The following DIAPH3 variants were observed in gnomAD, a reference collection of about 807,000 sequenced individuals.
DIAPH3 encodes protein diaphanous homolog 3.
Under a neutral mutation model 144.3 loss-of-function variants are expected in DIAPH3, and 117 were observed. The ratio of observed to expected loss-of-function variants is 0.81; its 90% CI spans 0.70 to 0.95. The LOEUF (loss-of-function observed/expected upper bound fraction) is 0.95. DIAPH3 is among the 40% of genes least tolerant of loss of function. DIAPH3 has a pLI of 0.00. For synonymous variants in DIAPH3, 519 were observed against 488.9 expected, an observed-to-expected ratio of 1.06 and a Z score of -0.81; for missense variants, 1,421 against 1,412.7, an observed-to-expected ratio of 1.01 and a Z score of -0.09.
At chr13:59,963,676 G>A (rs552956864) in intron 17 of DIAPH3, among the ~76,000 whole-genome samples, 1 of 152,004 alleles carries the variant, frequency 6.6e-6, no homozygotes, top group South Asian at 2.1e-4. Flanking sequence ...TGAATAGCTA[G>A]ATTTACAAAT....
In DIAPH3 at chr13:60,016,058, T is replaced by C; in HGVS notation, c.701+13A>G. The stretch of plus-strand genomic sequence containing the variant: ...ATGATGCTTACTTGAAAATAATTAT[T>C]AGCAATACTTACATTTTTCCACTAA... On this transcript the variant is annotated intron_variant, in intron 6 of 27. Transcript: ENST00000400324. 1 of 1,611,534 alleles carries C rather than the reference T, an allele frequency of 6.2e-7. No individual in the cohort carries two copies. The highest frequency in any genetic ancestry group is 1.7e-5 in the Admixed American group (1 of 59,972).
intron 1 of DIAPH3, among the ~76,000 whole-genome samples, chr13:60,150,052 C>T (rs368418432): frequency 1.6e-4 from 24 of 152,136 alleles, no homozygotes; most frequent in Non-Finnish European, 2.6e-4. Flanking sequence ...GACAGGATCC[C>T]GCTCTGTTTC....
intron 12 of DIAPH3, among the ~76,000 whole-genome samples, chr13:59,988,359 T>C (rs749014839): frequency 1.3e-5 from 2 of 151,934 alleles, no homozygotes; most frequent in Non-Finnish European, 2.9e-5. Flanking sequence ...TGTATTTCTT[T>C]TCTACTCAAC....
At chr13:59,886,093 G>A (rs1469747236) in intron 20 of DIAPH3, among the ~76,000 whole-genome samples, 1 of 152,098 alleles carries the variant, frequency 6.6e-6, no homozygotes, top group Non-Finnish European at 1.5e-5. Flanking sequence ...TTGCCAAAGT[G>A]TTTTTGCAAA....
chr13:59,781,823 G>C (rs1202342595), intron 25 of DIAPH3, among the ~76,000 whole-genome samples: 1 of 152,134 alleles, frequency 6.6e-6, no homozygotes, highest in Non-Finnish European at 1.5e-5. Flanking sequence ...AAAAGGTAGG[G>C]TCTTTATGAG....
At chr13:59,685,537 A>G (rs953096521) in intron 27 of DIAPH3, among the ~76,000 whole-genome samples, 2 of 152,080 alleles carry the variant, frequency 1.3e-5, no homozygotes, top group African/African-American at 4.8e-5. Flanking sequence ...CCATTTCCCA[A>G]CAAAAACACT....
chr13:60,097,183 G>A (rs546788096), intron 3 of DIAPH3, among the ~76,000 whole-genome samples: 3 of 152,232 alleles, frequency 2.0e-5, no homozygotes, highest in African/African-American at 7.2e-5. Context: ...AAACCAAAAG[G>A]AAACAAATAA....
intron 20 of DIAPH3, among the ~76,000 whole-genome samples, chr13:59,906,329 T>A (rs894521070): frequency 6.6e-6 from 1 of 152,196 alleles, no homozygotes; most frequent in African/African-American, 2.4e-5. Flanking sequence ...ATGGATTTTT[T>A]AAAATGTTCA....
At chr13:59,796,165 A>G (rs1777493402) in intron 25 of DIAPH3, among the ~76,000 whole-genome samples, 1 of 152,180 alleles carries the variant, frequency 6.6e-6, no homozygotes, top group African/African-American at 2.4e-5. Flanking sequence ...ATCTGTGAGA[A>G]GCTTATGGGG....
At position 59,666,439 on chromosome 13, in the gene DIAPH3, CATAT is replaced by C; in HGVS notation, c.*141_*144del. 1.1e-6 allele frequency: 1 copy of C among 950,106 alleles called. No homozygotes were observed. The highest frequency in any genetic ancestry group is 1.5e-6 in the Non-Finnish European group (1 of 661,118). The allele number at this position is 950,106 out of a possible 1,614,324, so 58.9% of individuals were successfully genotyped here. On this transcript the variant is annotated 3_prime_UTR_variant, in exon 28 of 28. Coordinates refer to ENST00000400324, the MANE Select transcript of DIAPH3 (RefSeq NM_001042517.2). ...CAGTACATAGAAAAAGCATTGCAAT[CATAT>C]ATTTAGCTTTATTTTTCTAATATAT... is the stretch of plus-strand genomic sequence containing the variant.
chr13:59,802,157 A>G (rs1356182194), intron 25 of DIAPH3, among the ~76,000 whole-genome samples: 1 of 152,202 alleles, frequency 6.6e-6, no homozygotes, highest in Non-Finnish European at 1.5e-5. Context: ...TGATATTTCC[A>G]TCTTGAAAGA....
chr13:59,956,796 C>A (rs2049432539), intron 17 of DIAPH3, among the ~76,000 whole-genome samples: 1 of 152,196 alleles, frequency 6.6e-6, no homozygotes, highest in Non-Finnish European at 1.5e-5. Context: ...ATGTACCCTG[C>A]AAGACCACAG....
chr13:59,836,441 G>T (rs1285215287), intron 23 of DIAPH3, among the ~76,000 whole-genome samples: 1 of 151,768 alleles, frequency 6.6e-6, no homozygotes, highest in Non-Finnish European at 1.5e-5. Context: ...GCTCTGACTA[G>T]ACTTAGCAAG....
At chr13:60,089,420 C>T (rs1338556944) in intron 4 of DIAPH3, among the ~76,000 whole-genome samples, 1 of 152,110 alleles carries the variant, frequency 6.6e-6, no homozygotes, top group Non-Finnish European at 1.5e-5. Flanking sequence ...TTAAGCATTA[C>T]TATTAAATAC....
rs183110529 is a variant in DIAPH3 at position 59,802,145 on chromosome 13, A to G, written c.3163+8643T>C. 6.6e-3 allele frequency among the ~76,000 whole-genome samples: 1,001 copies of G among 152,320 alleles called. 6 individuals are homozygous for G. The highest frequency in any genetic ancestry group is 0.024 in the Middle Eastern group (7 of 294). On this transcript the variant is annotated intron_variant, in intron 25 of 27. Transcript: ENST00000400324. ...GGCTCCACCTATGACCTTTTGACAC[A>G]CTGATATTTCCATCTTGAAAGATAT...
intron 7 of DIAPH3, among the ~76,000 whole-genome samples, chr13:60,014,966 G>GA (rs1555357108): frequency 2.1e-5 from 2 of 96,980 alleles, no homozygotes; most frequent in African/African-American, 3.9e-5. Flanking sequence ...TTTTTTTCTA[G>GA]TTTTTTTGTT....
At chr13:60,129,568 C>A (rs1317652647) in intron 2 of DIAPH3, among the ~76,000 whole-genome samples, 1 of 152,158 alleles carries the variant, frequency 6.6e-6, no homozygotes, top group African/African-American at 2.4e-5. Context: ...AACATTAATG[C>A]TTCCCGTGAT....
intron 9 of DIAPH3, among the ~76,000 whole-genome samples, chr13:59,994,832 G>A (rs1410096233): frequency 6.6e-6 from 1 of 151,794 alleles, no homozygotes; most frequent in Admixed American, 6.6e-5. Flanking sequence ...AGGAGAGAGG[G>A]CATAGCCTTG....
At chr13:59,872,901 C>T (rs2044366801) in intron 21 of DIAPH3, among the ~76,000 whole-genome samples, 1 of 152,204 alleles carries the variant, frequency 6.6e-6, no homozygotes, top group African/African-American at 2.4e-5. Context: ...AGCCTATTTG[C>T]TGAGCCTGAG....
Sources: gnomAD v4.1 joint callset for allele counts (sites outside exome capture counted in the v4.1 genomes callset) on GRCh38, gnomAD v4.1.1 for gene constraint, MANE v1.5 for transcripts, NCBI Gene and HGNC (gene_info 2026-07-23, HGNC 2026-07-21) for gene names.